The following NUBPL variants were observed in gnomAD, a reference collection of about 807,000 sequenced individuals.
NUBPL encodes the protein NUBP iron-sulfur cluster assembly factor, mitochondrial, also known as iron-sulfur cluster transfer protein NUBPL.
A neutral mutation model predicts 45.7 loss-of-function variants in NUBPL; 31 were observed. That is an observed-to-expected ratio of 0.68 (90% CI 0.51 to 0.92). The LOEUF is 0.92. NUBPL is among the 40% of genes least tolerant of loss of function. The pLI, the probability that NUBPL is intolerant of heterozygous loss-of-function variation, is 0.00. For missense variants in NUBPL, 401 were observed against 398.7 expected (o/e 1.01, Z -0.05); for synonymous variants, 144 against 140.9 (o/e 1.02, Z -0.15).
intron 4 of NUBPL, among the ~76,000 whole-genome samples, chr14:31,665,187 A>G (rs1218430755): frequency 6.6e-6 from 1 of 152,044 alleles, no homozygotes; most frequent in African/African-American, 2.4e-5. Context: ...TCCTGGATTC[A>G]TTGATTTTTT....
intron 6 of NUBPL, among the ~76,000 whole-genome samples, chr14:31,690,447 C>T (rs186311150): frequency 4.6e-5 from 7 of 152,218 alleles, no homozygotes; most frequent in Admixed American, 3.9e-4. Flanking sequence ...CATATGAGTT[C>T]GACATGAAAG....
At chr14:31,757,456 C>G (rs1359516796) in intron 6 of NUBPL, among the ~76,000 whole-genome samples, 1 of 151,986 alleles carries the variant, frequency 6.6e-6, no homozygotes, top group African/African-American at 2.4e-5. Context: ...AGGAATTTAT[C>G]CATTTCTTCC....
chr14:31,722,923 T>TG (rs1416087664), intron 6 of NUBPL, among the ~76,000 whole-genome samples: 3 of 151,854 alleles, frequency 2.0e-5, no homozygotes, highest in Non-Finnish European at 4.4e-5. Context: ...TTTGTTTTTT[T>TG]CTGTGCAGAA....
At chr14:31,569,356 C>G (rs903137680) in intron 3 of NUBPL, among the ~76,000 whole-genome samples, 7 of 152,026 alleles carry the variant, frequency 4.6e-5, no homozygotes, top group African/African-American at 1.4e-4. Context: ...GCCACAACAC[C>G]CAGCTAATTT....
intron 6 of NUBPL, among the ~76,000 whole-genome samples, chr14:31,761,141 A>G (rs1449070491): frequency 1.3e-5 from 2 of 152,190 alleles, no homozygotes; most frequent in Non-Finnish European, 2.9e-5. Flanking sequence ...TAAATGATGT[A>G]TATAGCCTTT....
At chr14:31,694,380 TTAATC>T (rs1386840595) in intron 6 of NUBPL, among the ~76,000 whole-genome samples, 16 of 152,342 alleles carry the variant, frequency 1.1e-4, no homozygotes, top group African/African-American at 3.4e-4. Flanking sequence ...CTTAGTTTGA[TTAATC>T]TAACAGAAGT....
At chr14:31,571,775 C>A (rs1189318362) in intron 3 of NUBPL, among the ~76,000 whole-genome samples, 1 of 151,998 alleles carries the variant, frequency 6.6e-6, no homozygotes, top group African/African-American at 2.4e-5. Flanking sequence ...CTTTTGAAAT[C>A]CAGTAACACT....
intron 7 of NUBPL, among the ~76,000 whole-genome samples, chr14:31,813,906 G>C (rs1351920367): frequency 6.6e-6 from 1 of 152,134 alleles, no homozygotes; most frequent in African/African-American, 2.4e-5. Context: ...TGGTGTATAT[G>C]TGCCACTTTT....
intron 7 of NUBPL, among the ~76,000 whole-genome samples, chr14:31,808,381 A>G (rs1308321093): frequency 1.3e-5 from 2 of 152,120 alleles, no homozygotes; most frequent in Non-Finnish European, 2.9e-5. Flanking sequence ...TTCTCTTTGT[A>G]GCAATTGTGA....
chr14:31,614,551 G>T (rs941957703), intron 4 of NUBPL, among the ~76,000 whole-genome samples: 11 of 152,216 alleles, frequency 7.2e-5, no homozygotes, highest in African/African-American at 2.4e-4. Context: ...AACTTAACTA[G>T]CACTGGCTTG....
chr14:31,850,983 AG>A (rs1171203398), intron 10 of NUBPL, among the ~76,000 whole-genome samples: 6 of 152,168 alleles, frequency 3.9e-5, no homozygotes, highest in Admixed American at 3.9e-4. Flanking sequence ...TGAGGTGAAA[AG>A]ACTAGTAGTG....
intron 6 of NUBPL, among the ~76,000 whole-genome samples, chr14:31,700,636 C>T (rs1029993767): frequency 6.6e-6 from 1 of 152,072 alleles, no homozygotes; most frequent in Admixed American, 6.5e-5. Context: ...CCCTGCACTT[C>T]GAGCGGCCGG....
rs188151242 is a variant in NUBPL, at chr14:31,673,526, T to C, written c.465T>C (p.Val155=). The change falls in exon 6 of 11, where the codon GTT becomes GTC. Residue 155 remains valine (V), a synonymous_variant. Coordinates refer to ENST00000281081, the MANE Select transcript of NUBPL (RefSeq NM_025152.3). ...TGGTTGAAGAAAGTGAACCAGTAGT[T>C]TGGAGAGGCCTTATGGTAATGTCGG... ...GFLVEESEPV[V]WRGLMVMSAI... is the part of the protein sequence containing the mutation. The C allele has an allele frequency of 6.2e-7, 1 of 1,613,966 alleles. No homozygotes were observed. The highest frequency in any genetic ancestry group is 2.2e-5 in the East Asian group (1 of 44,816).
intron 7 of NUBPL, among the ~76,000 whole-genome samples, chr14:31,804,923 A>C (rs564506042): frequency 1.3e-5 from 2 of 152,330 alleles, no homozygotes; most frequent in Admixed American, 6.5e-5. Context: ...CAAAAGCAAA[A>C]ATTGGCAAAA....
At chr14:31,650,740 A>G (rs1342066233) in intron 4 of NUBPL, among the ~76,000 whole-genome samples, 1 of 152,222 alleles carries the variant, frequency 6.6e-6, no homozygotes, top group Non-Finnish European at 1.5e-5. Context: ...CTATAGAAGA[A>G]TTCCTGAGGC....
At chr14:31,683,385 G>A (rs1488605413) in intron 6 of NUBPL, among the ~76,000 whole-genome samples, 2 of 134,288 alleles carry the variant, frequency 1.5e-5, no homozygotes, top group East Asian at 4.1e-4. Flanking sequence ...TGTGAGACAG[G>A]GTCTCACTCT....
At position 31,831,210 on chromosome 14, in the gene NUBPL, A is replaced by G. The variant is rs1437858765; in HGVS notation, c.693+4496A>G. Among the ~76,000 whole-genome samples the G allele has an allele frequency of 2.4e-4, 37 of 151,190 alleles. 1 individual carries two copies. The highest frequency in any genetic ancestry group is 2.4e-3 in the Admixed American group (37 of 15,126). ...AGTCACCCACCACCACGCCCAGCTT[A>G]TTTTTGTATTTTAGTAGAGGCGGGG... On this transcript the variant is annotated intron_variant, in intron 8 of 10. Transcript: ENST00000281081.
chr14:31,640,286 C>G (rs927505594), intron 4 of NUBPL, among the ~76,000 whole-genome samples: 1 of 152,052 alleles, frequency 6.6e-6, no homozygotes. Flanking sequence ...TTATGCTTAC[C>G]TAACCACCAT....
At chr14:31,653,671 G>A (rs923853598) in intron 4 of NUBPL, among the ~76,000 whole-genome samples, 1 of 152,140 alleles carries the variant, frequency 6.6e-6, no homozygotes, top group Non-Finnish European at 1.5e-5. Context: ...TTGTACAATA[G>A]TGGTCCTGAG....
Sources: allele counts gnomAD v4.1 joint callset (sites outside exome capture counted in the v4.1 genomes callset), GRCh38; gene constraint gnomAD v4.1.1; transcripts MANE v1.5; gene names NCBI Gene and HGNC (gene_info 2026-07-23, HGNC 2026-07-21).